The following LUZP1 variants were observed in gnomAD, a reference collection of about 807,000 sequenced individuals.
LUZP1 encodes leucine zipper protein 1.
In LUZP1, 25 loss-of-function variants were observed where a neutral mutation model predicts 71.3. The observed-to-expected ratio is 0.35, with a 90% CI of 0.26 to 0.49. The LOEUF is 0.49. LUZP1 is among the 20% of genes least tolerant of loss of function. The pLI, the probability that LUZP1 is intolerant of heterozygous loss-of-function variation, is 0.99. For synonymous variants in LUZP1, 481 were observed against 506.4 expected (o/e 0.95, Z 0.67); for missense variants, 1,142 against 1,300.8 (o/e 0.88, Z 1.88).
chr1:23,089,191 A>G (rs1459399430), intron 4 of LUZP1, 138 bp from the exon 4 acceptor site: 5 of 761,216 alleles, frequency 6.6e-6, no homozygotes, highest in Non-Finnish European at 1.1e-5. Context: ...GTTAACTGCA[A>G]AGATATGCTT....
At chr1:23,143,397 T>C (rs1644320191) in intron 2 of LUZP1, among the ~76,000 whole-genome samples, 1 of 152,174 alleles carries the variant, frequency 6.6e-6, no homozygotes, top group African/African-American at 2.4e-5. Context: ...ACTAAGGAAA[T>C]AATAAATAGT....
intron 2 of LUZP1, among the ~76,000 whole-genome samples, chr1:23,121,896 C>T (rs1644132659): frequency 6.6e-6 from 1 of 152,158 alleles, no homozygotes. Context: ...CCTGTAATCT[C>T]AGTTACTCAG....
intron 2 of LUZP1, among the ~76,000 whole-genome samples, chr1:23,121,381 T>C (rs893512076): frequency 6.6e-5 from 10 of 152,222 alleles, no homozygotes; most frequent in Non-Finnish European, 1.5e-4. Flanking sequence ...AAATTGGTTT[T>C]TCTGGCCTAG....
Position 23,091,711 on chromosome 1 carries a change from T to C in LUZP1, c.2551A>G (p.Ile851Val), listed in dbSNP as rs948559960. The C allele has an allele frequency of 1.2e-5, 20 of 1,613,952 alleles. No homozygotes were observed. Among genetic ancestry groups the C allele is most frequent in the Non-Finnish European group, 1.6e-5 (19 of 1,180,024 alleles). ...TCCGCTTCTGCAAGCTGCAGGGTGA[T>C]GTCATGTTTGTGAATGGAGAGCTCA... Residue 851 changes from isoleucine to valine, a missense_variant, in exon 4 of 5, where the codon ATC becomes GTC. Ile to Val is a conservative substitution (Grantham distance 29). Transcript: ENST00000302291.
chr1:23,085,346 T>C (rs2124569597), exon 5 of LUZP1: 1 of 152,730 alleles, frequency 6.5e-6, no homozygotes, highest in South Asian at 2.1e-4. Flanking sequence ...ATACATTCCA[T>C]TCAGTATATG....
intron 2 of LUZP1, among the ~76,000 whole-genome samples, chr1:23,145,409 C>G (rs1332363207): frequency 2.6e-5 from 4 of 150,998 alleles, no homozygotes; most frequent in Admixed American, 1.3e-4. Flanking sequence ...ATTTAAAGCC[C>G]TTTGCGTGAA....
At position 23,093,104 on chromosome 1, in the gene LUZP1, G is replaced by A. The variant is rs1643872992; in HGVS notation, c.1158C>T (p.Ser386=). Residue 386 remains serine, a synonymous_variant, in exon 4 of 5, where the codon TCC becomes TCT. Transcript: ENST00000302291. The surrounding 1 kb of genome is among the most constrained non-coding windows in gnomAD (Gnocchi z 4.2). ...GAGACAGTTCCCGCGCTGTGTGCTT[G>A]GACACAGAAGCTTCACTTCCGTGGC... The A allele has an allele frequency of 2.5e-6, 4 of 1,614,062 alleles. No individual in the cohort carries two copies. Among genetic ancestry groups the A allele is most frequent in the Non-Finnish European group, 3.4e-6 (4 of 1,179,992 alleles).
At chr1:23,090,610 C>G (rs1411924373) in intron 4 of LUZP1, 1 of 539,376 alleles carries the variant, frequency 1.9e-6, no homozygotes, top group Admixed American at 3.1e-5. Context: ...TAATATGAGA[C>G]AGACAGCTGT....
At chr1:23,121,325 T>G (rs16828004) in intron 2 of LUZP1, among the ~76,000 whole-genome samples, 9,985 of 152,276 alleles carry the variant, frequency 0.066, 1,042 homozygotes, top group African/African-American at 0.23. Context: ...ATCTTCTAGT[T>G]AATTTACATC....
At chr1:23,157,548 T>G (rs958356019) in intron 2 of LUZP1, among the ~76,000 whole-genome samples, 77 of 152,064 alleles carry the variant, frequency 5.1e-4, no homozygotes, top group African/African-American at 1.8e-3. Flanking sequence ...ACCAGCACTT[T>G]GGGAAGCCAA....
chr1:23,171,094 A>AT (rs1644550086), intron 1 of LUZP1, among the ~76,000 whole-genome samples: 14 of 141,002 alleles, frequency 9.9e-5, no homozygotes, highest in South Asian at 2.3e-4. Context: ...GTCTCAAAAA[A>AT]AAAAAATATA....
At chr1:23,163,712 A>ATGT (rs1644487866) in intron 2 of LUZP1, among the ~76,000 whole-genome samples, 1 of 152,198 alleles carries the variant, frequency 6.6e-6, no homozygotes, top group Admixed American at 6.5e-5. Flanking sequence ...AATGCTTGTC[A>ATGT]TGTTGTGGCT....
At chr1:23,143,046 T>G (rs566456542) in intron 2 of LUZP1, among the ~76,000 whole-genome samples, 10 of 152,128 alleles carry the variant, frequency 6.6e-5, no homozygotes, top group African/African-American at 2.4e-4. Context: ...TCTTACTCTC[T>G]TGTCCGGGGT....
At chr1:23,103,493 A>G (rs912211594) in intron 3 of LUZP1, among the ~76,000 whole-genome samples, 2 of 152,006 alleles carry the variant, frequency 1.3e-5, no homozygotes, top group African/African-American at 4.8e-5. Flanking sequence ...CTCCCACTCA[A>G]TGCGGACGTT....
At chr1:23,103,793 T>G (rs1454232436) in intron 3 of LUZP1, among the ~76,000 whole-genome samples, 1 of 144,924 alleles carries the variant, frequency 6.9e-6, no homozygotes, top group Non-Finnish European at 1.5e-5. Context: ...ATAAAGAGTA[T>G]AATATAGTTG....
At chr1:23,145,192 T>G (rs1323403083) in intron 2 of LUZP1, among the ~76,000 whole-genome samples, 1 of 151,936 alleles carries the variant, frequency 6.6e-6, no homozygotes, top group Admixed American at 6.6e-5. Flanking sequence ...TGAGCCACTA[T>G]GCCCAGCCTA....
chr1:23,118,016 G>A (rs749501775), intron 2 of LUZP1, among the ~76,000 whole-genome samples: 9 of 152,060 alleles, frequency 5.9e-5, no homozygotes, highest in Non-Finnish European at 1.2e-4. Context: ...CTTGAACCCG[G>A]GAGGTGGAGG....
intron 4 of LUZP1, chr1:23,090,430 A>AGG: frequency 5.9e-6 from 1 of 168,462 alleles, no homozygotes; most frequent in East Asian, 1.6e-4. Flanking sequence ...CACTGTGTCC[A>AGG]GGTCCAAGAA....
At chr1:23,162,885 A>G (rs1170653702) in intron 2 of LUZP1, 1 of 152,128 alleles carries the variant, frequency 6.6e-6, no homozygotes, top group Admixed American at 6.5e-5. Context: ...TGAATGAAAG[A>G]TTACCCGGGT....
Sources: gnomAD v4.1 joint callset for allele counts (sites outside exome capture counted in the v4.1 genomes callset) on GRCh38, gnomAD v4.1.1 for gene constraint, Gnocchi (gnomAD v3.1) non-coding constraint, MANE v1.5 for transcripts, NCBI Gene and HGNC (gene_info 2026-07-23, HGNC 2026-07-21) for gene names.